LRRTM4: variants seen among roughly 807,000 people sequenced by gnomAD.
The protein encoded by LRRTM4 is leucine-rich repeat transmembrane neuronal protein 4.
In LRRTM4, 25 loss-of-function variants were observed where a neutral mutation model predicts 47.6. That is an observed-to-expected ratio of 0.53 (90% CI 0.38 to 0.73). The LOEUF is 0.73. LRRTM4 is among the 30% of genes least tolerant of loss of function. The pLI is 0.00. For missense variants in LRRTM4, 638 were observed against 713.4 expected, an observed-to-expected ratio of 0.89 and a Z score of 1.20; for synonymous variants, 311 against 269.5, an observed-to-expected ratio of 1.15 and a Z score of -1.51.
At chr2:77,385,313 C>G (rs1244356944) in intron 3 of LRRTM4, among the ~76,000 whole-genome samples, 2 of 152,042 alleles carry the variant, frequency 1.3e-5, no homozygotes, top group East Asian at 3.9e-4. Context: ...AGGGCTCAGC[C>G]AACATTAAGT....
chr2:77,222,391 C>A (rs1051938441), intron 3 of LRRTM4, among the ~76,000 whole-genome samples: 65 of 152,182 alleles, frequency 4.3e-4, no homozygotes, highest in African/African-American at 1.5e-3. Flanking sequence ...ACACAAAAAA[C>A]CCTTCAAAAA....
chr2:76,923,625 A>G (rs1177984536), intron 3 of LRRTM4, among the ~76,000 whole-genome samples: 1 of 152,058 alleles, frequency 6.6e-6, no homozygotes, highest in Non-Finnish European at 1.5e-5. Flanking sequence ...CTCTACCCAC[A>G]TATTCTAGGA....
chr2:77,115,284 C>G, intron 3 of LRRTM4, among the ~76,000 whole-genome samples: 1 of 152,140 alleles, frequency 6.6e-6, no homozygotes, highest in East Asian at 1.9e-4. Flanking sequence ...CCCTTGTTCC[C>G]TGAAAATCGC....
At chr2:76,765,445 G>C (rs1312091753) in intron 3 of LRRTM4, among the ~76,000 whole-genome samples, 2 of 152,134 alleles carry the variant, frequency 1.3e-5, no homozygotes, top group African/African-American at 4.8e-5. Flanking sequence ...AATATTATGT[G>C]TCCTAACCCT....
chr2:76,849,720 C>T (rs1671937044), intron 3 of LRRTM4, among the ~76,000 whole-genome samples: 2 of 152,024 alleles, frequency 1.3e-5, no homozygotes, highest in Admixed American at 6.6e-5. Context: ...AAAACAAATG[C>T]TTGCGAAAAG....
intron 3 of LRRTM4, among the ~76,000 whole-genome samples, chr2:76,801,648 AAAACTT>A (rs1675690331): frequency 6.6e-6 from 1 of 152,070 alleles, no homozygotes; most frequent in African/African-American, 2.4e-5. Context: ...CATGTACCCT[AAAACTT>A]AAAGTATAAT....
chr2:77,021,458 G>C (rs1678267753), intron 3 of LRRTM4, among the ~76,000 whole-genome samples: 1 of 152,120 alleles, frequency 6.6e-6, no homozygotes. Flanking sequence ...CTCTGGACTT[G>C]CCCATGTGAC....
intron 3 of LRRTM4, among the ~76,000 whole-genome samples, chr2:76,808,576 C>G (rs1670633060): frequency 6.6e-6 from 1 of 152,078 alleles, no homozygotes; most frequent in Non-Finnish European, 1.5e-5. Context: ...ATAATTTATC[C>G]TATTTTCAAA....
chr2:77,114,752 G>A (rs768312048), intron 3 of LRRTM4, among the ~76,000 whole-genome samples: 11 of 152,244 alleles, frequency 7.2e-5, no homozygotes, highest in African/African-American at 1.7e-4. Flanking sequence ...TGGTGACCCC[G>A]AGCTGCAAAA....
intron 3 of LRRTM4, among the ~76,000 whole-genome samples, chr2:77,252,055 T>A (rs116269956): frequency 0.013 from 1,906 of 152,290 alleles, 47 homozygotes; most frequent in African/African-American, 0.044. Context: ...GGACTTTAGA[T>A]AAAGATATCA....
At chr2:77,474,263 C>T (rs1677295124) in intron 3 of LRRTM4, among the ~76,000 whole-genome samples, 1 of 151,884 alleles carries the variant, frequency 6.6e-6, no homozygotes, top group Non-Finnish European at 1.5e-5. Context: ...AGGATAATGG[C>T]TGATAGAAAA....
Position 77,024,671 on chromosome 2 carries a change from C to T in LRRTM4, c.1552-275755G>A, listed in dbSNP as rs577267597. Among the ~76,000 whole-genome samples the T allele has an allele frequency of 4.5e-4, 68 of 152,056 alleles. 1 individual carries two copies. Among genetic ancestry groups the T allele is most frequent in the Middle Eastern group, 3.4e-3 (1 of 292 alleles). ...CTTAGGGATAATAAAACTTATTTTA[C>T]TCACTTAACACTTTTCCAGTTTCAG... On this transcript the variant is annotated intron_variant, in intron 3 of 3. Transcript: ENST00000409884.
At chr2:77,430,311 A>C (rs892901091) in intron 3 of LRRTM4, among the ~76,000 whole-genome samples, 25 of 152,198 alleles carry the variant, frequency 1.6e-4, no homozygotes, top group Non-Finnish European at 1.0e-4. Context: ...ATCCCATATA[A>C]TCACTTAAAA....
At chr2:77,158,324 C>G (rs1405968132) in intron 3 of LRRTM4, among the ~76,000 whole-genome samples, 2 of 152,152 alleles carry the variant, frequency 1.3e-5, no homozygotes, top group African/African-American at 4.8e-5. Context: ...TTCTCAATTT[C>G]TCATCACAGA....
chr2:76,810,076 C>G (rs374565573), intron 3 of LRRTM4, among the ~76,000 whole-genome samples: 70 of 152,286 alleles, frequency 4.6e-4, no homozygotes, highest in African/African-American at 1.6e-3. Flanking sequence ...TTATTTTCTA[C>G]ATCCCCTACT....
intron 3 of LRRTM4, among the ~76,000 whole-genome samples, chr2:77,426,901 A>G (rs1004342326): frequency 1.3e-5 from 2 of 151,860 alleles, no homozygotes; most frequent in African/African-American, 4.8e-5. Context: ...ACAGTGACAA[A>G]TGCATATTTT....
At chr2:77,369,294 A>T in intron 3 of LRRTM4, among the ~76,000 whole-genome samples, 1 of 151,654 alleles carries the variant, frequency 6.6e-6, no homozygotes, top group East Asian at 1.9e-4. Context: ...AGTTTGATAT[A>T]GTCCCATTTA....
chr2:77,026,711 A>G (rs892053640), intron 3 of LRRTM4, among the ~76,000 whole-genome samples: 2 of 152,020 alleles, frequency 1.3e-5, no homozygotes, highest in Non-Finnish European at 1.5e-5. Context: ...CTGTTTGCCT[A>G]TTATACACAT....
At chr2:77,462,365 C>T (rs1676821626) in intron 3 of LRRTM4, among the ~76,000 whole-genome samples, 1 of 152,108 alleles carries the variant, frequency 6.6e-6, no homozygotes, top group South Asian at 2.1e-4. Flanking sequence ...TCTGGATAGT[C>T]TTCCATCACA....
Sources: gnomAD v4.1 joint callset for allele counts (sites outside exome capture counted in the v4.1 genomes callset) on GRCh38, gnomAD v4.1.1 for gene constraint, MANE v1.5 for transcripts, NCBI Gene and HGNC (gene_info 2026-07-23, HGNC 2026-07-21) for gene names.